The following SNX29 variants were observed in gnomAD, a reference collection of about 807,000 sequenced individuals.
The protein encoded by SNX29 is sorting nexin-29.
Under a neutral mutation model 102.1 loss-of-function variants are expected in SNX29, and 78 were observed. That is an observed-to-expected ratio of 0.76 (90% CI 0.64 to 0.92). The LOEUF is 0.92. Among genes scored for constraint, SNX29 ranks in the 40% least tolerant of loss-of-function variants. SNX29 has a pLI of 0.00. For synonymous variants in SNX29, 580 were observed against 414.5 expected, an observed-to-expected ratio of 1.40 and a Z score of -4.85; for missense variants, 1,280 against 1,061.7, an observed-to-expected ratio of 1.21 and a Z score of -2.86.
At chr16:12,055,313 A>G in intron 8 of SNX29, among the ~76,000 whole-genome samples, 1 of 149,352 alleles carries the variant, frequency 6.7e-6, no homozygotes, top group Non-Finnish European at 1.5e-5. Context: ...AGCTCACTGC[A>G]ACCTTTGTCT....
Position 12,572,958 on chromosome 16 carries a change from C to T in SNX29, c.*4329C>T, listed in dbSNP as rs905556511. The stretch of plus-strand genomic sequence containing the variant: ...GCAGGCATCTGCTTATGAGCAAGGT[C>T]AAAGATTTTTCAAAATATTGTGCAT... On this transcript the variant is annotated 3_prime_UTR_variant, in exon 21 of 21. Transcript: ENST00000566228. 1.6e-6 allele frequency: 1 copy of T among 644,538 alleles called. No homozygotes were observed. Among genetic ancestry groups the T allele is most frequent in the Non-Finnish European group, 2.0e-6 (1 of 495,666 alleles). 39.9% of individuals were successfully genotyped at this position (644,538 alleles called of 1,614,324 possible). A position where few individuals can be genotyped will look rare whatever the true frequency, so the allele number is the denominator to read the frequency against.
At chr16:11,995,303 T>G (rs2056022579) in intron 1 of SNX29, among the ~76,000 whole-genome samples, 1 of 152,172 alleles carries the variant, frequency 6.6e-6, no homozygotes, top group African/African-American at 2.4e-5. Flanking sequence ...TGACCTCATG[T>G]GATCCGTCCG....
At chr16:12,493,348 G>C (rs2088647686) in intron 19 of SNX29, among the ~76,000 whole-genome samples, 1 of 151,874 alleles carries the variant, frequency 6.6e-6, no homozygotes, top group Non-Finnish European at 1.5e-5. Context: ...TCTGTTATTG[G>C]TATATAAGAA....
intron 20 of SNX29, among the ~76,000 whole-genome samples, chr16:12,530,840 G>A (rs1347787609): frequency 6.6e-6 from 1 of 152,194 alleles, no homozygotes; most frequent in African/African-American, 2.4e-5. Flanking sequence ...ACAGGCGTGA[G>A]CCACCGTGCC....
intron 20 of SNX29, among the ~76,000 whole-genome samples, chr16:12,551,083 CCT>C (rs1491419071): frequency 3.3e-5 from 5 of 152,084 alleles, no homozygotes; most frequent in Admixed American, 2.0e-4. Context: ...TCCATGTGAT[CCT>C]CTCTTTGCTT....
chr16:12,551,456 TAC>T (rs927501344), intron 20 of SNX29, among the ~76,000 whole-genome samples: 2 of 152,186 alleles, frequency 1.3e-5, no homozygotes, highest in African/African-American at 2.4e-5. Flanking sequence ...CTTTTAAAAA[TAC>T]AGAGGCCAGG....
intron 19 of SNX29, among the ~76,000 whole-genome samples, chr16:12,505,811 C>A (rs1015598776): frequency 2.3e-4 from 32 of 140,108 alleles, no homozygotes; most frequent in African/African-American, 8.0e-4. Context: ...GAAGGAATGA[C>A]GTTGAATCTG....
At chr16:12,388,465 A>T (rs1273265335) in intron 16 of SNX29, among the ~76,000 whole-genome samples, 1 of 152,190 alleles carries the variant, frequency 6.6e-6, no homozygotes, top group African/African-American at 2.4e-5. Context: ...ATTCCTCCCT[A>T]CCTAGACAAA....
intron 20 of SNX29, among the ~76,000 whole-genome samples, chr16:12,549,484 T>TC (rs1387075092): frequency 1.5e-5 from 2 of 132,168 alleles, no homozygotes; most frequent in Non-Finnish European, 3.1e-5. Context: ...AACAGGAAGA[T>TC]CCTCACACAT....
intron 15 of SNX29, among the ~76,000 whole-genome samples, chr16:12,317,047 G>A (rs954754342): frequency 6.6e-6 from 1 of 152,204 alleles, no homozygotes; most frequent in African/African-American, 2.4e-5. Flanking sequence ...TTCTTTTCCA[G>A]TTTGCCTCCT....
intron 14 of SNX29, among the ~76,000 whole-genome samples, chr16:12,265,317 T>C (rs2078894384): frequency 1.3e-5 from 2 of 152,178 alleles, no homozygotes; most frequent in Non-Finnish European, 2.9e-5. Flanking sequence ...TCTGCTGGGC[T>C]CCATCACATG....
intron 13 of SNX29, among the ~76,000 whole-genome samples, chr16:12,134,466 C>G (rs913555428): frequency 6.6e-6 from 1 of 152,188 alleles, no homozygotes; most frequent in Non-Finnish European, 1.5e-5. Flanking sequence ...CACTTGCAAG[C>G]TTCATCCTGT....
intron 15 of SNX29, among the ~76,000 whole-genome samples, chr16:12,346,682 G>A (rs953049609): frequency 6.6e-6 from 1 of 152,198 alleles, no homozygotes; most frequent in Non-Finnish European, 1.5e-5. Flanking sequence ...GAGGGCTGGG[G>A]CTCCAGGTTT....
At chr16:12,266,126 T>C (rs141726873) in intron 14 of SNX29, among the ~76,000 whole-genome samples, 140 of 152,238 alleles carry the variant, frequency 9.2e-4, no homozygotes, top group African/African-American at 3.2e-3. Flanking sequence ...GGTCTCACCA[T>C]GTTGCCCAGG....
At chr16:12,548,606 T>C (rs749216163) in intron 20 of SNX29, among the ~76,000 whole-genome samples, 46 of 152,210 alleles carry the variant, frequency 3.0e-4, no homozygotes, top group Non-Finnish European at 4.9e-4. Context: ...CCGGGTACTC[T>C]GTCCAAGCCC....
At chr16:12,535,755 C>T (rs1413838653) in intron 20 of SNX29, among the ~76,000 whole-genome samples, 1 of 151,918 alleles carries the variant, frequency 6.6e-6, no homozygotes, top group Non-Finnish European at 1.5e-5. Flanking sequence ...TCTTCCACCA[C>T]TGTGTGTCTC....
At chr16:12,190,457 G>A (rs187210181) in intron 13 of SNX29, among the ~76,000 whole-genome samples, 2 of 152,320 alleles carry the variant, frequency 1.3e-5, no homozygotes, top group African/African-American at 4.8e-5. Flanking sequence ...TACGCTGGGG[G>A]CAGAGGAGGG....
chr16:12,248,901 C>T (rs1407260646), intron 14 of SNX29, among the ~76,000 whole-genome samples: 3 of 152,048 alleles, frequency 2.0e-5, no homozygotes, highest in South Asian at 2.1e-4. Flanking sequence ...TATTCTCTGC[C>T]GAGTCTTAGT....
chr16:12,463,202 A>T (rs959942435), intron 18 of SNX29, among the ~76,000 whole-genome samples: 3 of 152,102 alleles, frequency 2.0e-5, no homozygotes, highest in Admixed American at 6.5e-5. Flanking sequence ...CTGCATTGCT[A>T]CTCAAACCCA....
Sources: allele counts gnomAD v4.1 joint callset (sites outside exome capture counted in the v4.1 genomes callset), GRCh38; gene constraint gnomAD v4.1.1; transcripts MANE v1.5; gene names NCBI Gene and HGNC (gene_info 2026-07-23, HGNC 2026-07-21).